The following CSMD1 variants were observed in gnomAD, a reference collection of about 807,000 sequenced individuals.
CSMD1 encodes CUB and sushi domain-containing protein 1.
In CSMD1, 213 loss-of-function variants were observed where a neutral mutation model predicts 417.5. The observed-to-expected ratio is 0.51, with a 90% CI of 0.46 to 0.57. The LOEUF is 0.57. CSMD1 is among the 20% of genes least tolerant of loss of function. CSMD1 has a pLI of 0.00. For missense variants in CSMD1, 6,923 were observed against 4,529.7 expected (o/e 1.53, Z -15.17); for synonymous variants, 2,862 against 1,736.8 (o/e 1.65, Z -16.11).
chr8:3,720,942 A>C (rs954746081), intron 6 of CSMD1, among the ~76,000 whole-genome samples: 2 of 151,918 alleles, frequency 1.3e-5, no homozygotes, highest in Non-Finnish European at 2.9e-5. Context: ...CAGCCTCCCA[A>C]CTAGCTGGGA....
chr8:3,068,368 C>G (rs1813087786), intron 49 of CSMD1, among the ~76,000 whole-genome samples: 1 of 152,050 alleles, frequency 6.6e-6, no homozygotes, highest in Non-Finnish European at 1.5e-5. Context: ...TTTAGACTCT[C>G]CAAGACTCAG....
chr8:3,884,496 C>T (rs1371059179), intron 5 of CSMD1, among the ~76,000 whole-genome samples: 3 of 152,172 alleles, frequency 2.0e-5, no homozygotes, highest in Admixed American at 2.0e-4. Flanking sequence ...CATAACTTCA[C>T]ACCTGGATTC....
intron 3 of CSMD1, among the ~76,000 whole-genome samples, chr8:4,232,997 G>A (rs997334965): frequency 3.9e-5 from 6 of 152,152 alleles, no homozygotes; most frequent in Non-Finnish European, 8.8e-5. Flanking sequence ...GAAGAGGATA[G>A]ACGTGGTGTC....
chr8:4,960,650 T>C (rs1044497887), intron 1 of CSMD1, among the ~76,000 whole-genome samples: 1 of 152,178 alleles, frequency 6.6e-6, no homozygotes, highest in African/African-American at 2.4e-5. Context: ...TATCCATACA[T>C]ATGTACATCC....
chr8:4,196,173 T>C (rs947676091), intron 3 of CSMD1, among the ~76,000 whole-genome samples: 1 of 152,076 alleles, frequency 6.6e-6, no homozygotes, highest in African/African-American at 2.4e-5. Context: ...ATCGCGCCAC[T>C]GCACTCCAGC....
At chr8:3,267,821 C>T (rs1227687296) in intron 26 of CSMD1, among the ~76,000 whole-genome samples, 2 of 152,120 alleles carry the variant, frequency 1.3e-5, no homozygotes, top group Non-Finnish European at 2.9e-5. Context: ...TGATGTCACC[C>T]AGCTGGGCCA....
intron 25 of CSMD1, among the ~76,000 whole-genome samples, chr8:3,298,944 T>C (rs1337619729): frequency 2.6e-5 from 4 of 152,176 alleles, no homozygotes; most frequent in African/African-American, 9.7e-5. Context: ...GCAGTTTTTA[T>C]GCTATATGCT....
At chr8:4,579,028 G>C (rs1412414935) in intron 2 of CSMD1, among the ~76,000 whole-genome samples, 1 of 151,612 alleles carries the variant, frequency 6.6e-6, no homozygotes, top group African/African-American at 2.4e-5. Context: ...ATCACATAAA[G>C]GCACAATGTT....
chr8:3,553,227 C>T (rs1326603568), intron 10 of CSMD1, among the ~76,000 whole-genome samples: 1 of 152,074 alleles, frequency 6.6e-6, no homozygotes. Context: ...GAGAAGATAC[C>T]TAGGTAGGCT....
At chr8:4,429,134 C>G (rs776313396) in intron 2 of CSMD1, among the ~76,000 whole-genome samples, 9 of 151,102 alleles carry the variant, frequency 6.0e-5, no homozygotes, top group Non-Finnish European at 1.0e-4. Context: ...TCTATGAAAA[C>G]TGATATATAA....
chr8:3,413,466 G>C (rs1812942088), intron 12 of CSMD1, among the ~76,000 whole-genome samples: 1 of 152,178 alleles, frequency 6.6e-6, no homozygotes, highest in Admixed American at 6.5e-5. Context: ...TGTTGGACAA[G>C]TCCCTTATCA....
intron 10 of CSMD1, among the ~76,000 whole-genome samples, chr8:3,536,964 G>A (rs6987097): frequency 0.43 from 65,284 of 151,680 alleles, 14,251 homozygotes; most frequent in East Asian, 0.53. Flanking sequence ...GCTTTCACAT[G>A]CAACATTGTG....
At chr8:4,207,723 G>A (rs527364490) in intron 3 of CSMD1, among the ~76,000 whole-genome samples, 1 of 152,108 alleles carries the variant, frequency 6.6e-6, no homozygotes, top group South Asian at 2.1e-4. Context: ...TGTATTAATA[G>A]CAAAATAACA....
chr8:4,186,523 C>T (rs898959530), intron 3 of CSMD1, among the ~76,000 whole-genome samples: 7 of 151,988 alleles, frequency 4.6e-5, no homozygotes, highest in Admixed American at 2.0e-4. Context: ...ATTTTGAAAA[C>T]TGGTGACTTC....
At chr8:3,226,801 G>C (rs186430686) in intron 27 of CSMD1, among the ~76,000 whole-genome samples, 1 of 152,110 alleles carries the variant, frequency 6.6e-6, no homozygotes, top group Admixed American at 6.5e-5. Context: ...ACAGGTGAGA[G>C]GTTAAGAGAT....
At chr8:3,428,368 C>G (rs895140320) in intron 12 of CSMD1, among the ~76,000 whole-genome samples, 2 of 152,122 alleles carry the variant, frequency 1.3e-5, no homozygotes, top group African/African-American at 4.8e-5. Context: ...TGCCAATATT[C>G]AAATTACAGT....
chr8:3,010,225 C>T (rs1419424285), intron 52 of CSMD1, among the ~76,000 whole-genome samples: 1 of 152,186 alleles, frequency 6.6e-6, no homozygotes, highest in Non-Finnish European at 1.5e-5. Context: ...AGCCTATCTT[C>T]GGTGTTGCCT....
At chr8:3,489,409 C>T (rs1025776846) in intron 11 of CSMD1, among the ~76,000 whole-genome samples, 3 of 152,162 alleles carry the variant, frequency 2.0e-5, no homozygotes, top group Admixed American at 6.6e-5. Flanking sequence ...ACAGAACGTC[C>T]TGAATTAATG....
chr8:3,891,812 C>G (rs577278775), intron 5 of CSMD1, among the ~76,000 whole-genome samples: 4 of 152,262 alleles, frequency 2.6e-5, no homozygotes, highest in Non-Finnish European at 4.4e-5. Context: ...ATTATTTCTA[C>G]AAGCCTAATT....
Sources: gnomAD v4.1 joint callset for allele counts (sites outside exome capture counted in the v4.1 genomes callset) on GRCh38, gnomAD v4.1.1 for gene constraint, MANE v1.5 for transcripts, NCBI Gene and HGNC (gene_info 2026-07-23, HGNC 2026-07-21) for gene names.